Variants in SLC26A3 observed in about 807,000 individuals in gnomAD.
SLC26A3 encodes the protein solute carrier family 26 member 3, also known as chloride anion exchanger.
A neutral mutation model predicts 85.6 loss-of-function variants in SLC26A3; 64 were observed. The observed-to-expected ratio is 0.75, with a 90% CI of 0.61 to 0.92. The LOEUF (loss-of-function observed/expected upper bound fraction) is 0.92, where lower values mean the gene tolerates loss of function less well. Ranked by LOEUF, SLC26A3 falls within the 40% of genes least tolerant of loss-of-function variation. The pLI is 0.00. For synonymous variants in SLC26A3, 349 were observed against 336.0 expected (o/e 1.04, Z -0.42); for missense variants, 922 against 927.3 (o/e 0.99, Z 0.07).
At chr7:107,796,118 A>G (rs1324288142) in intron 1 of SLC26A3, among the ~76,000 whole-genome samples, 1 of 135,746 alleles carries the variant, frequency 7.4e-6, no homozygotes, top group African/African-American at 2.9e-5. Context: ...TATTATTATT[A>G]TTATTATTAG....
chr7:107,789,755 G>C, intron 5 of SLC26A3, 67 bp from the exon 6 acceptor site: 2 of 1,473,730 alleles, frequency 1.4e-6, no homozygotes, highest in Non-Finnish European at 1.9e-6. Context: ...TCAAGGATCC[G>C]CAACTGAAAT....
At position 107,782,646 on chromosome 7, in the gene SLC26A3, T is replaced by C. The variant is rs994361586; in HGVS notation, c.1311+151A>G. ...CATGTTGCCAGGGAAAAAGAAATAT[T>C]TTTGGCTCATACAGAGTATTGGCTA... On this transcript the variant is annotated intron_variant, in intron 11 of 20. Transcript: ENST00000340010. 1.2e-5 allele frequency: 9 copies of C among 767,412 alleles called. No individual in the cohort carries two copies. In the Admixed American group the frequency reaches 1.5e-4, roughly 13 times the overall value. The allele number at this position is 767,412 out of a possible 1,614,324, so 47.5% of individuals were successfully genotyped here.
chr7:107,770,144 CT>C (rs1484013549), intron 18 of SLC26A3, among the ~76,000 whole-genome samples: 5 of 46,052 alleles, frequency 1.1e-4, no homozygotes, highest in South Asian at 1.2e-3. Context: ...TTCTCTCTTT[CT>C]TTTCTTTCTT....
Position 107,776,459 on chromosome 7 carries a change from A to G in SLC26A3, c.1670T>C (p.Ile557Thr), listed in dbSNP as rs1794117423. The change falls in exon 15 of 21, where the codon ATC becomes ACC. Residue 557 changes from isoleucine to threonine, a missense_variant. By Grantham distance (89) the Ile-to-Thr change is moderately conservative. Coordinates refer to ENST00000340010, the MANE Select transcript of SLC26A3 (RefSeq NM_000111.3). The part of the protein sequence containing the change: ...ANIGFFRRKL[I>T]DAVGFSPLRI... ...AATAACCCCAAACCTTACAGCATCG[A>G]TAAGTTTCCGCCTAAAGAAACCAAT... The G allele has an allele frequency of 1.9e-6, 3 of 1,613,138 alleles. No homozygotes were observed. The highest frequency in any genetic ancestry group is 2.5e-6 in the Non-Finnish European group (3 of 1,179,096).
chr7:107,783,040 A>C lies in SLC26A3; in HGVS notation c.1173T>G (p.Phe391Leu). Residue 391 changes from phenylalanine (F) to leucine (L), a missense_variant, in exon 10 of 21, where the codon TTT becomes TTG. Coordinates refer to ENST00000340010, the MANE Select transcript of SLC26A3 (RefSeq NM_000111.3). ...ATCTGGAGAGGGCAGTACTCCCAGC[A>C]AATCCTCTGAATACTCCACAGACTA... is the stretch of plus-strand genomic sequence containing the variant. ...GNIVCGVFRGFAGSTALSRSA... is the reference protein window; with the variant it reads ...GNIVCGVFRGLAGSTALSRSA... 6.2e-7 allele frequency: 1 copy of C among 1,614,206 alleles called. No homozygotes were observed. The highest frequency in any genetic ancestry group is 8.5e-7 in the Non-Finnish European group (1 of 1,180,022).
At chr7:107,791,316 A>G in intron 4 of SLC26A3, 81 bp from the exon 5 acceptor site, 3 of 1,448,272 alleles carry the variant, frequency 2.1e-6, no homozygotes, top group South Asian at 1.1e-5. Flanking sequence ...AAGACCATAT[A>G]AAATGACTGG....
At position 107,774,102 on chromosome 7, in the gene SLC26A3, C is replaced by T; in HGVS notation, c.1825G>A (p.Asp609Asn). The T allele has an allele frequency of 6.2e-7, 1 of 1,614,144 alleles. No homozygotes were observed. Among genetic ancestry groups the T allele is most frequent in the Non-Finnish European group, 8.5e-7 (1 of 1,180,014 alleles). The change falls in exon 17 of 21, where the codon GAC becomes AAC. Residue 609 changes from aspartate (D) to asparagine (N), a missense_variant. Transcript: ENST00000340010. ...TCCAGTACTTCTATCTGATTGTTGT[C>T]CAGCTCTTCGTCAGAATCTTTTATG... ...DTIKDSDEEL[D>N]NNQIEVLDQP...
Position 107,783,208 on chromosome 7 carries a change from A to G in SLC26A3, c.1116T>C (p.Asn372=). 6.2e-7 allele frequency: 1 copy of G among 1,614,184 alleles called. No individual in the cohort carries two copies. Among genetic ancestry groups the G allele is most frequent in the South Asian group, 1.1e-5 (1 of 91,084 alleles). The change falls in exon 9 of 21, where the codon AAT becomes AAC. Residue 372 remains asparagine, a synonymous_variant. Transcript: ENST00000340010. ...CCAGTGTAGTTTGTTTACTTACCTG[A>G]TTGCCATCAAGTGGATAATCGTATT... ...SLKYDYPLDG[N]QELIALGLGN... is the part of the protein sequence containing the mutation.
intron 17 of SLC26A3, among the ~76,000 whole-genome samples, chr7:107,773,131 C>A (rs1417893132): frequency 6.6e-6 from 1 of 152,114 alleles, no homozygotes; most frequent in Non-Finnish European, 1.5e-5. Context: ...TTGTTTCAGT[C>A]GTGTTTTGAA....
rs112988460 is a variant in SLC26A3 at position 107,797,500 on chromosome 7, T to TAAAGAAAAGAAAAGAAAAGA, written c.-88-2904_-88-2903insTCTTTTCTTTTCTTTTCTTT. On this transcript the variant is annotated intron_variant, in intron 1 of 20. Transcript: ENST00000340010. ...CAGAGCGAGACTCCGTCTCAAAAAA[T>TAAAGAAAAGAAAAGAAAAGA]AAAGAAAAGAAAAGAAATCTTTCCA... Among the ~76,000 whole-genome samples, 3 of 150,770 alleles carry TAAAGAAAAGAAAAGAAAAGA rather than the reference T, an allele frequency of 2.0e-5. No homozygotes were observed. In the East Asian group the frequency reaches 5.9e-4, roughly 30 times the overall value.
chr7:107,769,406 TA>T lies in SLC26A3; in HGVS notation c.2063-1499del, dbSNP rs199527977. 8.9e-4 allele frequency among the ~76,000 whole-genome samples: 134 copies of T among 150,830 alleles called. 1 individual carries two copies. Among genetic ancestry groups the T allele is most frequent in the Non-Finnish European group, 5.8e-4 (39 of 67,626 alleles). Reference sequence around the variant, plus strand: ...ACTATATAAAAACATATAAAAAAATTAAAAAAAAACAATATCCTTTGCAGGT... The same window carrying T: ...ACTATATAAAAACATATAAAAAAATTAAAAAAAACAATATCCTTTGCAGGT... On this transcript the variant is annotated intron_variant, in intron 18 of 20. Transcript: ENST00000340010.
intron 10 of SLC26A3, 42 bp from the exon 11 acceptor site, chr7:107,782,916 C>T: frequency 1.2e-6 from 2 of 1,613,466 alleles, no homozygotes; most frequent in Non-Finnish European, 8.5e-7. Flanking sequence ...TCAACTTTTC[C>T]CCTGGCTTGA....
chr7:107,787,603 C>A, intron 6 of SLC26A3, 94 bp from the exon 7 acceptor site: 2 of 1,087,262 alleles, frequency 1.8e-6, no homozygotes, highest in South Asian at 1.3e-5. Flanking sequence ...AACATGGAAG[C>A]AAAAAGACTG....
At chr7:107,793,607 T>A (rs1255799119) in intron 3 of SLC26A3, 135 bp downstream of exon 3, 5 of 674,100 alleles carry the variant, frequency 7.4e-6, no homozygotes, top group Non-Finnish European at 1.3e-5. Context: ...TAGGGGTTGG[T>A]GGTGGTGAAA....
chr7:107,779,821 G>T, intron 11 of SLC26A3, 58 bp from the exon 12 acceptor site: 1 of 1,411,922 alleles, frequency 7.1e-7, no homozygotes, highest in Non-Finnish European at 1.0e-6. Context: ...CCACAGGGAA[G>T]CAAAGGTGAA....
chr7:107,796,242 A>C (rs1241143151), intron 1 of SLC26A3, among the ~76,000 whole-genome samples: 1 of 151,960 alleles, frequency 6.6e-6, no homozygotes, highest in African/African-American at 2.4e-5. Context: ...AGCTGGGACT[A>C]CAGGTGTGGC....
intron 8 of SLC26A3, among the ~76,000 whole-genome samples, chr7:107,783,881 A>G (rs1170316344): frequency 6.6e-6 from 1 of 152,224 alleles, no homozygotes; most frequent in Admixed American, 6.5e-5. Context: ...AGAGACAACC[A>G]TGACCCTAAT....
intron 11 of SLC26A3, among the ~76,000 whole-genome samples, chr7:107,780,066 A>T (rs1794191746): frequency 6.6e-6 from 1 of 151,786 alleles, no homozygotes; most frequent in South Asian, 2.1e-4. Flanking sequence ...AGACCTTCAG[A>T]CCTATGACAG....
At chr7:107,773,158 A>G (rs946177279) in intron 17 of SLC26A3, among the ~76,000 whole-genome samples, 16 of 152,190 alleles carry the variant, frequency 1.1e-4, no homozygotes, top group African/African-American at 3.9e-4. Context: ...TGTGACATTT[A>G]TTCTTTCATA....
Sources: gnomAD v4.1 joint callset for allele counts (sites outside exome capture counted in the v4.1 genomes callset) on GRCh38, gnomAD v4.1.1 for gene constraint, MANE v1.5 for transcripts, NCBI Gene and HGNC (gene_info 2026-07-23, HGNC 2026-07-21) for gene names.